Variants in HSPB8 observed in about 807,000 individuals in gnomAD.
HSPB8 encodes heat shock protein family B (small) member 8.
A neutral mutation model predicts 16.5 loss-of-function variants in HSPB8; 9 were observed. That is an observed-to-expected ratio of 0.55 (90% CI 0.33 to 0.95). The LOEUF (loss-of-function observed/expected upper bound fraction) is 0.95. Among genes scored for constraint, HSPB8 ranks in the 40% least tolerant of loss-of-function variants. The pLI is 0.03. For missense variants in HSPB8, 238 were observed against 251.2 expected (o/e 0.95, Z 0.35); for synonymous variants, 99 against 94.8 (o/e 1.04, Z -0.26).
chr12:119,193,271 C>A (rs1954723402), intron 2 of HSPB8, among the ~76,000 whole-genome samples: 1 of 152,182 alleles, frequency 6.6e-6, no homozygotes, highest in South Asian at 2.1e-4. Flanking sequence ...TATGATAACA[C>A]CTTACTTGCG....
intron 2 of HSPB8, among the ~76,000 whole-genome samples, chr12:119,187,338 C>A (rs1387326762): frequency 6.6e-6 from 1 of 151,998 alleles, no homozygotes; most frequent in Non-Finnish European, 1.5e-5. Flanking sequence ...ATTAAAAACC[C>A]CATTTTATTT....
chr12:119,184,638 C>T (rs1027657247), intron 1 of HSPB8, among the ~76,000 whole-genome samples: 4 of 152,212 alleles, frequency 2.6e-5, no homozygotes, highest in Non-Finnish European at 5.9e-5. Context: ...CCAGACACTC[C>T]AGTTTAAAAT....
rs746791744 is a variant in HSPB8 at position 119,179,576 on chromosome 12, C to T, written c.264C>T (p.Pro88=). 3 of 1,612,286 alleles carry T rather than the reference C, an allele frequency of 1.9e-6. No individual in the cohort carries two copies. Among genetic ancestry groups the T allele is most frequent in the South Asian group, 2.2e-5 (2 of 90,978 alleles). Residue 88 remains proline, a synonymous_variant, in exon 1 of 3, where the codon CCC becomes CCT. Coordinates refer to ENST00000281938, the MANE Select transcript of HSPB8 (RefSeq NM_014365.3). Reference sequence around the variant, plus strand: ...GGGTGCCTGCCGAGGGCAGGACCCCCCCACCCTTCCCTGGGGAGCCCTGGA... The same window carrying T: ...GGGTGCCTGCCGAGGGCAGGACCCCTCCACCCTTCCCTGGGGAGCCCTGGA... The part of the protein sequence containing the change: ...RFGVPAEGRT[P]PPFPGEPWKV...
In HSPB8 at chr12:119,187,009, C is replaced by G. The variant is rs763148062; in HGVS notation, c.368-16C>G. On this transcript the variant is annotated splice_polypyrimidine_tract_variant and intron_variant, in intron 1 of 2. Coordinates refer to ENST00000281938, the MANE Select transcript of HSPB8 (RefSeq NM_014365.3). ...GGAACATAGATGCTGACACGCCACA[C>G]TTTTCTTCCTTCCAGGCAAACATGA... The G allele has an allele frequency of 6.2e-7, 1 of 1,613,456 alleles. No homozygotes were observed. The highest frequency in any genetic ancestry group is 1.3e-5 in the African/African-American group (1 of 74,890).
intron 1 of HSPB8, among the ~76,000 whole-genome samples, chr12:119,182,601 GCATT>G (rs1434506717): frequency 2.6e-5 from 4 of 152,052 alleles, no homozygotes; most frequent in Non-Finnish European, 5.9e-5. Context: ...CCGTGCCACT[GCATT>G]CCAGCCTGGG....
At chr12:119,193,649 T>C in intron 2 of HSPB8, 50 bp from the exon 3 acceptor site, 1 of 1,583,648 alleles carries the variant, frequency 6.3e-7, no homozygotes, top group Non-Finnish European at 8.7e-7. Context: ...AAAAGAATGT[T>C]TAAGCAATAT....
rs759289686 is a variant in HSPB8 at position 119,179,344 on chromosome 12, A to G, written c.32A>G (p.His11Arg). ...GACGGTCAGATGCCCTTCTCCTGCC[A>G]CTACCCAAGCCGCCTGCGCCGAGAC... MADGQMPFSCHYPSRLRRDPF... is the reference protein window; with the variant it reads MADGQMPFSCRYPSRLRRDPF... Residue 11 changes from histidine to arginine, a missense_variant, in exon 1 of 3, where the codon CAC (histidine) becomes CGC (arginine). Coordinates refer to ENST00000281938, the MANE Select transcript of HSPB8 (RefSeq NM_014365.3). 1.9e-6 allele frequency: 3 copies of G among 1,614,018 alleles called. No individual in the cohort carries two copies. Among genetic ancestry groups the G allele is most frequent in the Non-Finnish European group, 2.5e-6 (3 of 1,180,010 alleles).
intron 2 of HSPB8, among the ~76,000 whole-genome samples, chr12:119,188,247 C>CTT (rs757724355): frequency 4.9e-4 from 43 of 87,572 alleles, no homozygotes; most frequent in Non-Finnish European, 5.6e-4. Context: ...CTCTCTCTCT[C>CTT]TTTTTTTTTT....
intron 2 of HSPB8, among the ~76,000 whole-genome samples, chr12:119,191,599 G>GA (rs5801319): frequency 0.64 from 92,251 of 144,930 alleles, 29,540 homozygotes; most frequent in African/African-American, 0.71. Flanking sequence ...AAGAAAGAAA[G>GA]AAAAAAAAAA....
chr12:119,193,756 G>A lies in HSPB8; in HGVS notation c.489G>A (p.Leu163=), dbSNP rs1342734757. The A allele has an allele frequency of 1.2e-6, 2 of 1,614,176 alleles. No homozygotes were observed. Among genetic ancestry groups the A allele is most frequent in the Admixed American group, 3.3e-5 (2 of 60,026 alleles). ...TVFASLSPEG[L]LIIEAPQVPP... Reference sequence around the variant, plus strand: ...TTGCCTCACTTTCCCCAGAGGGTCTGCTGATCATCGAAGCTCCCCAGGTCC... The same window carrying A: ...TTGCCTCACTTTCCCCAGAGGGTCTACTGATCATCGAAGCTCCCCAGGTCC... The change falls in exon 3 of 3, where the codon CTG becomes CTA. Residue 163 remains leucine, a synonymous_variant. Transcript: ENST00000281938.
rs773017653 is a variant in HSPB8, at chr12:119,179,571, A to AC, written c.266dup (p.Pro90ThrfsTer37). Reference sequence around the variant, plus strand: ...GTTTGGGGTGCCTGCCGAGGGCAGGACCCCCCCACCCTTCCCTGGGGAGCC... The same window carrying AC: ...GTTTGGGGTGCCTGCCGAGGGCAGGACCCCCCCCACCCTTCCCTGGGGAGCC... On this transcript the variant is annotated frameshift_variant, in exon 1 of 3. Coordinates refer to ENST00000281938, the MANE Select transcript of HSPB8 (RefSeq NM_014365.3). LOFTEE classifies it high-confidence loss of function. 1.6e-5 allele frequency: 25 copies of AC among 1,611,114 alleles called. No homozygotes were observed. The highest frequency in any genetic ancestry group is 3.4e-5 in the Admixed American group (2 of 59,664).
At chr12:119,188,247 CTT>C (rs757724355) in intron 2 of HSPB8, among the ~76,000 whole-genome samples, 11 of 87,526 alleles carry the variant, frequency 1.3e-4, no homozygotes, top group Non-Finnish European at 1.7e-4. Context: ...CTCTCTCTCT[CTT>C]TTTTTTTTTT....
chr12:119,179,419 G>A lies in HSPB8; in HGVS notation c.107G>A (p.Gly36Asp), dbSNP rs1220794443. Residue 36 changes from glycine (G) to aspartate (D), a missense_variant, in exon 1 of 3, where the codon GGC (glycine) becomes GAC (aspartate). Transcript: ENST00000281938. Reference sequence around the variant, plus strand: ...TCTCGCCTGCTGGATGATGGCTTTGGCATGGACCCCTTCCCAGACGACTTG... The same window carrying A: ...TCTCGCCTGCTGGATGATGGCTTTGACATGGACCCCTTCCCAGACGACTTG... ...LSSRLLDDGFGMDPFPDDLTA... is the reference protein window; with the variant it reads ...LSSRLLDDGFDMDPFPDDLTA... 2 of 1,614,084 alleles carry A rather than the reference G, an allele frequency of 1.2e-6. No homozygotes were observed. The highest frequency in any genetic ancestry group is 1.7e-6 in the Non-Finnish European group (2 of 1,180,020).
Position 119,179,363 on chromosome 12 carries a change from C to T in HSPB8, c.51C>T (p.Arg17=). Residue 17 remains arginine, a synonymous_variant, in exon 1 of 3, where the codon CGC becomes CGT. Transcript: ENST00000281938. ...PFSCHYPSRL[R]RDPFRDSPLS... is the part of the protein sequence containing the mutation. ...CCTGCCACTACCCAAGCCGCCTGCG[C>T]CGAGACCCCTTCCGGGACTCTCCCC... The T allele has an allele frequency of 6.2e-7, 1 of 1,614,170 alleles. No individual in the cohort carries two copies. The highest frequency in any genetic ancestry group is 8.5e-7 in the Non-Finnish European group (1 of 1,180,044).
At chr12:119,185,153 T>C (rs940704387) in intron 1 of HSPB8, among the ~76,000 whole-genome samples, 1 of 151,620 alleles carries the variant, frequency 6.6e-6, no homozygotes, top group African/African-American at 2.4e-5. Context: ...TCTTTTGTTA[T>C]TGTTGTTTTT....
At chr12:119,182,183 T>C (rs1429197501) in intron 1 of HSPB8, 1 of 152,176 alleles carries the variant, frequency 6.6e-6, no homozygotes, top group African/African-American at 2.4e-5. Flanking sequence ...TCCACGTCTG[T>C]AAAATGGGGT....
rs903692858 is a variant in HSPB8, at chr12:119,194,143, A to G, written c.*285A>G. On this transcript the variant is annotated 3_prime_UTR_variant, in exon 3 of 3. Transcript: ENST00000281938. ...TGCACATTCTATAGTTGCAAAACACATAAAAGGGGACTTAACATTTCACGT... is the reference window on the plus strand; with the variant it reads ...TGCACATTCTATAGTTGCAAAACACGTAAAAGGGGACTTAACATTTCACGT... 6.5e-6 allele frequency: 3 copies of G among 464,438 alleles called. No homozygotes were observed. Among genetic ancestry groups the G allele is most frequent in the Non-Finnish European group, 1.2e-5 (3 of 252,570 alleles). The allele number at this position is 464,438 out of a possible 1,614,324, so 28.8% of individuals were successfully genotyped here. A position where few individuals can be genotyped will look rare whatever the true frequency, so the allele number is the denominator to read the frequency against.
Position 119,179,097 on chromosome 12 carries a change from T to G in HSPB8, c.-216T>G. 1.6e-6 allele frequency: 1 copy of G among 626,024 alleles called. No individual in the cohort carries two copies. The highest frequency in any genetic ancestry group is 2.9e-6 in the Non-Finnish European group (1 of 347,784). The allele number at this position is 626,024 out of a possible 1,614,324, so 38.8% of individuals were successfully genotyped here. A position where few individuals can be genotyped will look rare whatever the true frequency, so the allele number is the denominator to read the frequency against. ...GGACGGGGACCCTCTGGGATTCTGC[T>G]GGATCTGCCCCGGGGGTTACCTTTG... On this transcript the variant is annotated 5_prime_UTR_variant, in exon 1 of 3. Coordinates refer to ENST00000281938, the MANE Select transcript of HSPB8 (RefSeq NM_014365.3).
Position 119,179,412 on chromosome 12 carries a change from G to A in HSPB8, c.100G>A (p.Gly34Ser). Reference protein sequence around the residue: ...SPLSSRLLDDGFGMDPFPDDL... With the variant: ...SPLSSRLLDDSFGMDPFPDDL... ...CCTCTCCTCTCGCCTGCTGGATGAT[G>A]GCTTTGGCATGGACCCCTTCCCAGA... The change falls in exon 1 of 3, where the codon GGC becomes AGC. Residue 34 changes from glycine (G) to serine (S), a missense_variant. By Grantham distance (56) the Gly-to-Ser change is moderately conservative. Coordinates refer to ENST00000281938, the MANE Select transcript of HSPB8 (RefSeq NM_014365.3). The A allele has an allele frequency of 1.2e-6, 2 of 1,614,108 alleles. No individual in the cohort carries two copies. Among genetic ancestry groups the A allele is most frequent in the Non-Finnish European group, 1.7e-6 (2 of 1,180,028 alleles).
Sources: allele counts gnomAD v4.1 joint callset (sites outside exome capture counted in the v4.1 genomes callset), GRCh38; gene constraint gnomAD v4.1.1; transcripts MANE v1.5; gene names NCBI Gene and HGNC (gene_info 2026-07-23, HGNC 2026-07-21).